FHIT: variants seen among roughly 807,000 people sequenced by gnomAD.
FHIT encodes fragile histidine triad diadenosine triphosphatase, also known as bis(5'-adenosyl)-triphosphatase.
FHIT carries 19 observed loss-of-function variants against 17.9 expected under a neutral mutation model. The ratio of observed to expected loss-of-function variants is 1.06; its 90% CI spans 0.74 to 1.56. The LOEUF is 1.56. Among genes scored for constraint, FHIT ranks in the 40% most tolerant of loss-of-function variants. The pLI is 0.00. For synonymous variants in FHIT, 81 were observed against 69.7 expected, an observed-to-expected ratio of 1.16 and a Z score of -0.81; for missense variants, 248 against 189.2, an observed-to-expected ratio of 1.31 and a Z score of -1.82.
intron 5 of FHIT, among the ~76,000 whole-genome samples, chr3:60,046,604 C>T (rs905292289): frequency 1.3e-5 from 2 of 152,150 alleles, no homozygotes; most frequent in East Asian, 1.9e-4. Context: ...TAGCCTCTGA[C>T]TGAGAAAGGA....
intron 5 of FHIT, among the ~76,000 whole-genome samples, chr3:60,521,985 A>C (rs1157806099): frequency 6.8e-6 from 1 of 147,680 alleles, no homozygotes; most frequent in Non-Finnish European, 1.5e-5. Context: ...AGTGATGACA[A>C]GGGAACAGGA....
chr3:60,012,266 GTTT>G (rs769497004), intron 6 of FHIT, among the ~76,000 whole-genome samples: 5 of 112,472 alleles, frequency 4.4e-5, no homozygotes, highest in Non-Finnish European at 5.5e-5. Context: ...TTTTTTTGTT[GTTT>G]TTTTTTTTTT....
chr3:60,416,224 T>C (rs1702243910), intron 5 of FHIT, among the ~76,000 whole-genome samples: 2 of 152,114 alleles, frequency 1.3e-5, no homozygotes, highest in South Asian at 2.1e-4. Flanking sequence ...TCAATATTCA[T>C]AGGATAAAAA....
intron 7 of FHIT, among the ~76,000 whole-genome samples, chr3:60,002,667 A>G (rs947085888): frequency 6.6e-6 from 1 of 152,162 alleles, no homozygotes; most frequent in Non-Finnish European, 1.5e-5. Flanking sequence ...TGCCTTGTCT[A>G]TTATTCATTA....
intron 8 of FHIT, among the ~76,000 whole-genome samples, chr3:59,862,773 T>C (rs922395355): frequency 6.6e-6 from 1 of 152,188 alleles, no homozygotes; most frequent in African/African-American, 2.4e-5. Context: ...GTGATTGCTG[T>C]GGGCAAGAGG....
chr3:60,781,987 T>C (rs556533921), intron 4 of FHIT, among the ~76,000 whole-genome samples: 11 of 152,266 alleles, frequency 7.2e-5, no homozygotes, highest in African/African-American at 2.6e-4. Flanking sequence ...AACTGAATCA[T>C]TGTACCCTTT....
At chr3:60,556,718 C>A (rs890687121) in intron 4 of FHIT, among the ~76,000 whole-genome samples, 6 of 152,136 alleles carry the variant, frequency 3.9e-5, no homozygotes, top group African/African-American at 1.4e-4. Flanking sequence ...ATAGCAACAC[C>A]CTGAAGGTAA....
chr3:60,177,047 G>A (rs780934308), intron 5 of FHIT, among the ~76,000 whole-genome samples: 26 of 152,060 alleles, frequency 1.7e-4, no homozygotes, highest in Admixed American at 9.2e-4. Context: ...TAGGGAGACT[G>A]GATGCTCCCA....
At chr3:60,027,135 ACACACACACAC>A (rs1700779144) in intron 5 of FHIT, among the ~76,000 whole-genome samples, 5 of 127,624 alleles carry the variant, frequency 3.9e-5, no homozygotes, top group African/African-American at 1.5e-4. Context: ...ACACACACAC[ACACACACACAC>A]ACAAAATTAG....
intron 5 of FHIT, among the ~76,000 whole-genome samples, chr3:60,194,149 AC>A (rs753868515): frequency 9.9e-5 from 15 of 152,220 alleles, no homozygotes; most frequent in Non-Finnish European, 1.9e-4. Flanking sequence ...CCTAAACGGA[AC>A]AAATCTAGAG....
At chr3:59,771,167 A>G (rs1294934315) in intron 8 of FHIT, among the ~76,000 whole-genome samples, 1 of 152,180 alleles carries the variant, frequency 6.6e-6, no homozygotes, top group African/African-American at 2.4e-5. Flanking sequence ...ACCACTTACC[A>G]ATTACAAAAG....
chr3:61,041,694 A>C (rs867999434), intron 3 of FHIT, among the ~76,000 whole-genome samples: 1 of 152,264 alleles, frequency 6.6e-6, no homozygotes. Context: ...AAAAAAAAAA[A>C]AAATCCGCTC....
chr3:60,113,767 C>T (rs1456079431), intron 5 of FHIT, among the ~76,000 whole-genome samples: 3 of 150,334 alleles, frequency 2.0e-5, no homozygotes, highest in Non-Finnish European at 3.0e-5. Context: ...TTTGGGAGGC[C>T]GAGGCGAGCG....
intron 5 of FHIT, among the ~76,000 whole-genome samples, chr3:60,534,244 G>A (rs1325262772): frequency 6.9e-6 from 1 of 145,532 alleles, no homozygotes; most frequent in African/African-American, 2.6e-5. Context: ...TGGCTAACAA[G>A]GTGAAACCCC....
chr3:61,044,701 T>C (rs1355782563), intron 2 of FHIT, among the ~76,000 whole-genome samples: 7 of 151,880 alleles, frequency 4.6e-5, no homozygotes, highest in Admixed American at 1.3e-4. Context: ...AAAGTTGAAA[T>C]GAAGGAAAAA....
chr3:59,876,086 A>C (rs73100603), intron 8 of FHIT, among the ~76,000 whole-genome samples: 3,386 of 152,226 alleles, frequency 0.022, 48 homozygotes, highest in South Asian at 0.062. Flanking sequence ...AGGTGGGGAC[A>C]CCTGGTAGAT....
intron 1 of FHIT, among the ~76,000 whole-genome samples, chr3:61,232,550 C>A (rs2040133321): frequency 1.3e-5 from 2 of 152,164 alleles, no homozygotes. Context: ...ATAAAACTCT[C>A]TCATAATCAA....
intron 7 of FHIT, among the ~76,000 whole-genome samples, chr3:59,940,807 C>T (rs949483872): frequency 2.5e-4 from 38 of 152,272 alleles, no homozygotes; most frequent in Admixed American, 1.3e-3. Context: ...CTTAGCACCG[C>T]CCCTGGCACC....
intron 3 of FHIT, among the ~76,000 whole-genome samples, chr3:60,926,060 T>C (rs537376319): frequency 1.1e-4 from 16 of 152,174 alleles, no homozygotes; most frequent in African/African-American, 3.4e-4. Context: ...ATAAAGCAAG[T>C]CCTTAGAGAC....
Sources: gnomAD v4.1 joint callset for allele counts (sites outside exome capture counted in the v4.1 genomes callset) on GRCh38, gnomAD v4.1.1 for gene constraint, MANE v1.5 for transcripts, NCBI Gene and HGNC (gene_info 2026-07-23, HGNC 2026-07-21) for gene names.